The following CHD6 variants were observed in gnomAD, a reference collection of about 807,000 sequenced individuals.
CHD6 encodes the protein chromodomain helicase DNA binding protein 6.
CHD6 carries 50 observed loss-of-function variants against 276.9 expected under a neutral mutation model. The observed-to-expected ratio is 0.18, with a 90% CI of 0.14 to 0.23. The LOEUF is 0.23. Among genes scored for constraint, CHD6 ranks in the 10% least tolerant of loss-of-function variants. CHD6 has a pLI of 1.00. For synonymous variants in CHD6, 1,173 were observed against 1,229.3 expected (o/e 0.95, Z 0.96); for missense variants, 2,564 against 3,365.8 (o/e 0.76, Z 5.89).
At chr20:41,487,614 G>A (rs1438803904) in intron 14 of CHD6, 51 bp downstream of exon 14, 1 of 1,538,326 alleles carries the variant, frequency 6.5e-7, no homozygotes, top group Non-Finnish European at 8.7e-7. Context: ...CTCTTTTCTT[G>A]ATGAAGATAA....
intron 24 of CHD6, 112 bp downstream of exon 24, chr20:41,447,770 G>C (rs2294570): frequency 0.028 from 18,092 of 638,266 alleles, 306 homozygotes; most frequent in East Asian, 0.054. Flanking sequence ...TCCTGGGCAG[G>C]GGGTAGGAGG....
chr20:41,454,983 A>T (rs2048340051), intron 19 of CHD6, among the ~76,000 whole-genome samples: 1 of 152,156 alleles, frequency 6.6e-6, no homozygotes, highest in African/African-American at 2.4e-5. Flanking sequence ...TTAAGCTTGG[A>T]AGCAGGAAGG....
chr20:41,494,448 G>A (rs1238231530), intron 8 of CHD6, among the ~76,000 whole-genome samples: 1 of 152,128 alleles, frequency 6.6e-6, no homozygotes, highest in African/African-American at 2.4e-5. Context: ...TGCACACTAT[G>A]CTTCAAAAAA....
intron 17 of CHD6, among the ~76,000 whole-genome samples, chr20:41,466,302 T>C (rs907842103): frequency 2.0e-5 from 3 of 152,144 alleles, no homozygotes; most frequent in Non-Finnish European, 4.4e-5. Context: ...AATGCTAGCA[T>C]ACAGTACAAA....
intron 3 of CHD6, among the ~76,000 whole-genome samples, chr20:41,520,450 G>A (rs1216125051): frequency 1.3e-5 from 2 of 152,088 alleles, no homozygotes; most frequent in Non-Finnish European, 2.9e-5. Context: ...ACTGGATTAA[G>A]AAAATGTGGC....
chr20:41,483,981 G>C (rs2043354707), intron 15 of CHD6, among the ~76,000 whole-genome samples: 1 of 152,190 alleles, frequency 6.6e-6, no homozygotes. Context: ...TAATCTCATT[G>C]CAGCACTTTC....
At chr20:41,475,545 A>G (rs2043149572) in intron 16 of CHD6, among the ~76,000 whole-genome samples, 1 of 152,236 alleles carries the variant, frequency 6.6e-6, no homozygotes, top group African/African-American at 2.4e-5. Context: ...TTTTTGATAA[A>G]TCAGTGCTCA....
At chr20:41,424,650 C>T (rs1600826321) in intron 29 of CHD6, among the ~76,000 whole-genome samples, 3 of 152,154 alleles carry the variant, frequency 2.0e-5, no homozygotes, top group African/African-American at 7.2e-5. Context: ...TTGTTGATAC[C>T]TTCTGGTGGC....
Position 41,404,258 on chromosome 20 carries a change from T to C in CHD6, c.*335A>G. On this transcript the variant is annotated 3_prime_UTR_variant, in exon 37 of 37. Coordinates refer to ENST00000373233, the MANE Select transcript of CHD6 (RefSeq NM_032221.5). Reference sequence around the variant, plus strand: ...AATGGTAAAACCCTAGACAGCTTTCTTTTGCCATTTTTCCTCCTCAAGTGA... The same window carrying C: ...AATGGTAAAACCCTAGACAGCTTTCCTTTGCCATTTTTCCTCCTCAAGTGA... 1 of 1,090,358 alleles carries C rather than the reference T, an allele frequency of 9.2e-7. No homozygotes were observed. The highest frequency in any genetic ancestry group is 1.1e-6 in the Non-Finnish European group (1 of 897,162). 67.5% of individuals were successfully genotyped at this position (1,090,358 alleles called of 1,614,324 possible).
At chr20:41,565,244 T>A (rs1002707071) in intron 1 of CHD6, among the ~76,000 whole-genome samples, 1 of 152,038 alleles carries the variant, frequency 6.6e-6, no homozygotes, top group Non-Finnish European at 1.5e-5. Context: ...TACAGGTGCC[T>A]GCCACCACAC....
Position 41,451,150 on chromosome 20 carries a change from G to T in CHD6, c.3524-45C>A, listed in dbSNP as rs1300344720. On this transcript the variant is annotated intron_variant, in intron 22 of 36. Transcript: ENST00000373233. The stretch of plus-strand genomic sequence containing the variant: ...TAGGGCAAGTGGATAGCCAAGGGGG[G>T]TGTTACACACGGGTTTTAGAAGAGC... The T allele has an allele frequency of 4.5e-6, 7 of 1,564,280 alleles. No individual in the cohort carries two copies. In the South Asian group the frequency reaches 4.6e-5, roughly 10 times the overall value.
At position 41,538,503 on chromosome 20, in the gene CHD6, C is replaced by T. The variant is rs552039351; in HGVS notation, c.34-4933G>A. Among the ~76,000 whole-genome samples, 169 of 152,186 alleles carry T rather than the reference C, an allele frequency of 1.1e-3. 1 individual carries two copies. The highest frequency in any genetic ancestry group is 3.8e-3 in the African/African-American group (158 of 41,522). On this transcript the variant is annotated intron_variant, in intron 2 of 36. Transcript: ENST00000373233. ...TTTATATGAAATGCTCAGCAAAAAA[C>T]GAACTCAAAGAGACAAATTGGGGGT...
chr20:41,512,454 T>C (rs930370352), intron 5 of CHD6, among the ~76,000 whole-genome samples: 4 of 151,758 alleles, frequency 2.6e-5, no homozygotes, highest in African/African-American at 7.3e-5. Context: ...GGAGATAACA[T>C]TTTAGGCAAA....
rs147977643 is a variant in CHD6 at position 41,538,868 on chromosome 20, C to T, written c.34-5298G>A. Among the ~76,000 whole-genome samples the T allele has an allele frequency of 7.2e-3, 1,103 of 152,304 alleles. 37 individuals carry two copies. Among genetic ancestry groups the T allele is most frequent in the Admixed American group, 0.062 (941 of 15,298 alleles). ...AGCTTGATACAGTTTCTACCCTTGA[C>T]CCTGCCTCCTCCCAGTTCCTCAAGG... On this transcript the variant is annotated intron_variant, in intron 2 of 36. Transcript: ENST00000373233.
chr20:41,605,047 G>A (rs1490062742), intron 1 of CHD6, among the ~76,000 whole-genome samples: 3 of 152,136 alleles, frequency 2.0e-5, no homozygotes, highest in Non-Finnish European at 2.9e-5. Context: ...TTCTATGTAG[G>A]AGAATGCCTT....
At chr20:41,553,986 T>C (rs983985228) in intron 1 of CHD6, among the ~76,000 whole-genome samples, 10 of 151,996 alleles carry the variant, frequency 6.6e-5, no homozygotes, top group African/African-American at 9.7e-5. Flanking sequence ...CTTGTCTCTA[T>C]AGAAAATACA....
chr20:41,589,291 C>T (rs2045630503), intron 1 of CHD6, among the ~76,000 whole-genome samples: 1 of 152,046 alleles, frequency 6.6e-6, no homozygotes, highest in African/African-American at 2.4e-5. Context: ...GGAAGCATTC[C>T]CTTTGAAAAC....
At chr20:41,613,885 G>A (rs953831686) in intron 1 of CHD6, among the ~76,000 whole-genome samples, 1 of 151,960 alleles carries the variant, frequency 6.6e-6, no homozygotes, top group Non-Finnish European at 1.5e-5. Context: ...AGACTCCCTA[G>A]GGGTCCACGA....
At chr20:41,466,076 C>T (rs960925717) in intron 17 of CHD6, among the ~76,000 whole-genome samples, 1 of 152,106 alleles carries the variant, frequency 6.6e-6, no homozygotes, top group African/African-American at 2.4e-5. Context: ...GTGGCGCGTG[C>T]CTGTAATTCC....
Sources: allele counts gnomAD v4.1 joint callset (sites outside exome capture counted in the v4.1 genomes callset), GRCh38; gene constraint gnomAD v4.1.1; transcripts MANE v1.5; gene names NCBI Gene and HGNC (gene_info 2026-07-23, HGNC 2026-07-21).